The following RAPSN variants were observed in gnomAD, a reference collection of about 807,000 sequenced individuals.
RAPSN encodes receptor associated protein of the synapse.
RAPSN carries 33 observed loss-of-function variants against 45.7 expected under a neutral mutation model. The ratio of observed to expected loss-of-function variants is 0.72; its 90% CI spans 0.55 to 0.97. The LOEUF is 0.97. Among genes scored for constraint, RAPSN ranks in the 50% least tolerant of loss-of-function variants. RAPSN has a pLI of 0.00. For missense variants in RAPSN, 519 were observed against 559.4 expected, an observed-to-expected ratio of 0.93 and a Z score of 0.73; for synonymous variants, 244 against 233.6, an observed-to-expected ratio of 1.04 and a Z score of -0.40.
intron 2 of RAPSN, 93 bp from the exon 3 acceptor site, chr11:47,442,907 AG>A (rs2076377244): frequency 6.3e-7 from 1 of 1,591,040 alleles, no homozygotes; most frequent in Non-Finnish European, 8.5e-7. Context: ...AACAGCAGGT[AG>A]GGGCAGGGGG....
chr11:47,447,087 G>A (rs2076412272), intron 2 of RAPSN, among the ~76,000 whole-genome samples: 1 of 152,104 alleles, frequency 6.6e-6, no homozygotes, highest in Non-Finnish European at 1.5e-5. Flanking sequence ...TGCTCCCCCA[G>A]GGTCCAGCTT....
At chr11:47,448,277 A>T in intron 1 of RAPSN, 127 bp from the exon 2 acceptor site, 1 of 1,002,846 alleles carries the variant, frequency 1.0e-6, no homozygotes, top group Non-Finnish European at 1.5e-6. Flanking sequence ...AAAGCAGCAG[A>T]TCCCAAAGCT....
Position 47,444,538 on chromosome 11 carries a change from C to CA in RAPSN, c.532-1725dup, listed in dbSNP as rs1257417599. ...TGGGTGACAGAGCAAGATCCTGTCT[C>CA]AAAAAAAAACAAAAACAAAAACAAA... On this transcript the variant is annotated intron_variant, in intron 2 of 7. Transcript: ENST00000298854. 7.2e-3 allele frequency among the ~76,000 whole-genome samples: 1,056 copies of CA among 147,424 alleles called. 12 individuals are homozygous for CA. Among genetic ancestry groups the CA allele is most frequent in the African/African-American group, 0.024 (953 of 39,970 alleles).
intron 2 of RAPSN, among the ~76,000 whole-genome samples, chr11:47,445,641 A>C (rs1049495053): frequency 2.0e-5 from 3 of 151,202 alleles, no homozygotes; most frequent in Non-Finnish European, 4.4e-5. Flanking sequence ...AAGAAATCTT[A>C]AACTTCATTC....
At chr11:47,441,562 G>C (rs773973734) in intron 5 of RAPSN, 49 bp downstream of exon 5, 4 of 1,599,302 alleles carry the variant, frequency 2.5e-6, no homozygotes, top group East Asian at 2.2e-5. Context: ...CTGGCCCCAA[G>C]TGGGGAGTGC....
chr11:47,438,260 G>A (rs1212554047), intron 7 of RAPSN, among the ~76,000 whole-genome samples: 1 of 152,114 alleles, frequency 6.6e-6, no homozygotes, highest in Non-Finnish European at 1.5e-5. Flanking sequence ...GGCAGAGCAG[G>A]GGCTGGGAGT....
At position 47,438,628 on chromosome 11, in the gene RAPSN, TAA is replaced by T. The variant is rs772191670; in HGVS notation, c.1166+102_1166+103del. The T allele has an allele frequency of 7.2e-6, 10 of 1,397,540 alleles. No homozygotes were observed. In the South Asian group the frequency reaches 1.1e-4, roughly 16 times the overall value. The allele number at this position is 1,397,540 out of a possible 1,614,324, so 86.6% of individuals were successfully genotyped here. A position where few individuals can be genotyped will look rare whatever the true frequency, so the allele number is the denominator to read the frequency against. ...GTGAGGCACCACGCCTGGCCAAGGTTAAGTGTTTGCTATTAGTATTATTGCTG... is the reference window on the plus strand; with the variant it reads ...GTGAGGCACCACGCCTGGCCAAGGTTGTGTTTGCTATTAGTATTATTGCTG... On this transcript the variant is annotated intron_variant, in intron 7 of 7. Transcript: ENST00000298854.
intron 3 of RAPSN, 64 bp downstream of exon 3, chr11:47,442,592 C>T: frequency 2.5e-6 from 4 of 1,570,964 alleles, no homozygotes; most frequent in Non-Finnish European, 3.5e-6. Context: ...CCCTGCTGTC[C>T]CAGGCCCCAG....
Position 47,437,770 on chromosome 11 carries a change from A to C in RAPSN, c.*205T>G. Reference sequence around the variant, plus strand: ...AAAGTCGGAATCCCTGGGACCAGGTACAAACAGTTTATTTTTCTATAAAGA... The same window carrying C: ...AAAGTCGGAATCCCTGGGACCAGGTCCAAACAGTTTATTTTTCTATAAAGA... On this transcript the variant is annotated 3_prime_UTR_variant, in exon 8 of 8. Transcript: ENST00000298854. The C allele has an allele frequency of 1.0e-5, 7 of 681,566 alleles. No individual in the cohort carries two copies. The highest frequency in any genetic ancestry group is 2.8e-5 in the East Asian group (1 of 35,266). The allele number at this position is 681,566 out of a possible 1,614,324, so 42.2% of individuals were successfully genotyped here.
intron 6 of RAPSN, among the ~76,000 whole-genome samples, chr11:47,440,521 G>T (rs1392533439): frequency 6.6e-6 from 1 of 152,206 alleles, no homozygotes; most frequent in Admixed American, 6.5e-5. Context: ...GCCGAGGCAG[G>T]TGGATCACCT....
At chr11:47,438,118 T>C in intron 7 of RAPSN, 71 bp from the exon 8 acceptor site, 1 of 1,515,544 alleles carries the variant, frequency 6.6e-7, no homozygotes, top group Non-Finnish European at 9.0e-7. Flanking sequence ...CTTCCTTCCT[T>C]GCCTGCCCTC....
At chr11:47,441,288 G>A (rs892976386) in intron 5 of RAPSN, 76 bp from the exon 6 acceptor site, 1 of 1,579,046 alleles carries the variant, frequency 6.3e-7, no homozygotes, top group South Asian at 1.1e-5. Context: ...CACAGGGTAG[G>A]GGGGCAGGCC....
intron 1 of RAPSN, 103 bp from the exon 2 acceptor site, chr11:47,448,253 C>G: frequency 1.6e-6 from 2 of 1,214,958 alleles, no homozygotes; most frequent in South Asian, 1.2e-5. Flanking sequence ...CACCCACCCC[C>G]CAGCCTCACA....
chr11:47,442,764 G>C lies in RAPSN; in HGVS notation c.582C>G (p.Asn194Lys), dbSNP rs2076375639. The C allele has an allele frequency of 6.2e-7, 1 of 1,614,168 alleles. No homozygotes were observed. The highest frequency in any genetic ancestry group is 8.5e-7 in the Non-Finnish European group (1 of 1,180,064). Residue 194 changes from asparagine to lysine, a missense_variant, in exon 3 of 8, where the codon AAC becomes AAG. Physicochemically the swap from Asn to Lys is moderately conservative, Grantham distance 94. Coordinates refer to ENST00000298854, the MANE Select transcript of RAPSN (RefSeq NM_005055.5). ...TCAGGCTCCAGCCTTTGCCATAGTT[G>C]TTGACAAGCTCTGCCGCCTTGCAGG... ...FFPCKAAELV[N>K]NYGKGWSLKY...
intron 7 of RAPSN, 24 bp downstream of exon 7, chr11:47,438,708 G>A: frequency 6.4e-7 from 1 of 1,552,856 alleles, no homozygotes; most frequent in Non-Finnish European, 8.7e-7. Flanking sequence ...GCCCACCCCT[G>A]TCCACCCCCC....
intron 6 of RAPSN, 125 bp downstream of exon 6, chr11:47,441,034 T>C: frequency 8.1e-7 from 1 of 1,237,088 alleles, no homozygotes; most frequent in South Asian, 1.2e-5. Context: ...TGGGGTTGGC[T>C]GCAGGCAGCT....
At chr11:47,442,583 C>T in intron 3 of RAPSN, 73 bp downstream of exon 3, 1 of 1,539,954 alleles carries the variant, frequency 6.5e-7, no homozygotes, top group Non-Finnish European at 8.8e-7. Context: ...AGAAGGAAGC[C>T]CTGCTGTCCC....
chr11:47,440,013 C>T (rs1331132501), intron 6 of RAPSN, among the ~76,000 whole-genome samples: 1 of 152,076 alleles, frequency 6.6e-6, no homozygotes, highest in Non-Finnish European at 1.5e-5. Flanking sequence ...TTAGGCCATG[C>T]TAATCTTCTC....
At chr11:47,444,588 G>C (rs1222868905) in intron 2 of RAPSN, among the ~76,000 whole-genome samples, 1 of 151,640 alleles carries the variant, frequency 6.6e-6, no homozygotes, top group Non-Finnish European at 1.5e-5. Flanking sequence ...GCTGGGTGCA[G>C]TGGCTCACAC....
Sources: gnomAD v4.1 joint callset for allele counts (sites outside exome capture counted in the v4.1 genomes callset) on GRCh38, gnomAD v4.1.1 for gene constraint, MANE v1.5 for transcripts, NCBI Gene and HGNC (gene_info 2026-07-23, HGNC 2026-07-21) for gene names.